PHIP: variants seen among roughly 807,000 people sequenced by gnomAD.
PHIP encodes the protein PH-interacting protein.
In PHIP, 54 loss-of-function variants were observed where a neutral mutation model predicts 236.8. That is an observed-to-expected ratio of 0.23 (90% CI 0.18 to 0.29). The LOEUF (loss-of-function observed/expected upper bound fraction) is 0.29, where lower values mean the gene tolerates loss of function less well. PHIP is among the 10% of genes least tolerant of loss of function. The probability of loss-of-function intolerance (pLI) is 1.00; values close to 1 mark genes in which losing one functional copy is unlikely to be tolerated. For synonymous variants in PHIP, 756 were observed against 718.9 expected, an observed-to-expected ratio of 1.05 and a Z score of -0.83; for missense variants, 1,370 against 2,190.8, an observed-to-expected ratio of 0.63 and a Z score of 7.48.
At chr6:79,028,963 G>T (rs1366047525) in intron 7 of PHIP, among the ~76,000 whole-genome samples, 1 of 152,132 alleles carries the variant, frequency 6.6e-6, no homozygotes, top group Non-Finnish European at 1.5e-5. Flanking sequence ...TTAACCTCCA[G>T]TGACTTTCAC....
At chr6:79,039,161 C>T (rs1194662526) in intron 7 of PHIP, among the ~76,000 whole-genome samples, 5 of 150,848 alleles carry the variant, frequency 3.3e-5, no homozygotes, top group African/African-American at 1.2e-4. Flanking sequence ...CTCTTCTAAC[C>T]ACATCAATCA....
At chr6:79,006,111 G>GA (rs1444225144) in intron 15 of PHIP, among the ~76,000 whole-genome samples, 1 of 151,920 alleles carries the variant, frequency 6.6e-6, no homozygotes, top group African/African-American at 2.4e-5. Flanking sequence ...AATCATATCA[G>GA]AAAAAAGAAA....
rs1200014105 is a variant in PHIP at position 78,940,540 on chromosome 6, G to A, written c.*153C>T. 9 of 118,534 alleles carry A rather than the reference G, an allele frequency of 7.6e-5. No individual in the cohort carries two copies. Among genetic ancestry groups the A allele is most frequent in the South Asian group, 2.8e-4 (1 of 3,552 alleles). The allele number at this position is 118,534 out of a possible 1,614,324, so 7.3% of individuals were successfully genotyped here. ...TTCATTTAAAGAAGTGAAGTGTCTC[G>A]TAAGTTTGTTTTTTTTTTTTTTTTT... is the stretch of plus-strand genomic sequence containing the variant. On this transcript the variant is annotated 3_prime_UTR_variant, in exon 40 of 40. Transcript: ENST00000275034.
intron 6 of PHIP, among the ~76,000 whole-genome samples, chr6:79,046,664 G>A (rs1182601419): frequency 6.6e-6 from 1 of 152,018 alleles, no homozygotes; most frequent in Non-Finnish European, 1.5e-5. Flanking sequence ...ATTACTTGAG[G>A]TCAGGAGTTC....
intron 9 of PHIP, among the ~76,000 whole-genome samples, chr6:79,022,058 G>GAA: frequency 6.6e-6 from 1 of 152,054 alleles, no homozygotes; most frequent in East Asian, 1.9e-4. Context: ...TTTTTAAAGG[G>GAA]AAAAAACAAG....
At chr6:79,058,422 T>C (rs1285565769) in intron 6 of PHIP, among the ~76,000 whole-genome samples, 1 of 152,132 alleles carries the variant, frequency 6.6e-6, no homozygotes, top group Non-Finnish European at 1.5e-5. Flanking sequence ...AATATTATAT[T>C]TGATTTTATA....
Position 78,938,029 on chromosome 6 carries a change from G to C in PHIP, c.*2664C>G, listed in dbSNP as rs1269954670. On this transcript the variant is annotated 3_prime_UTR_variant, in exon 40 of 40. Transcript: ENST00000275034. ...CTGGCCTATTAACAGTACATACATA[G>C]TGTTACTGCCTCAAAGAGGATTATT... The C allele has an allele frequency of 6.6e-6, 1 of 151,636 alleles. No individual in the cohort carries two copies. Among genetic ancestry groups the C allele is most frequent in the African/African-American group, 2.4e-5 (1 of 41,406 alleles). 9.4% of individuals were successfully genotyped at this position (151,636 alleles called of 1,614,324 possible).
rs746480201 is a variant in PHIP, at chr6:78,939,465, C to G, written c.*1228G>C. On this transcript the variant is annotated 3_prime_UTR_variant, in exon 40 of 40. Transcript: ENST00000275034. ...TTTAACCTTTAATAATTGAAAATAA[C>G]CAATTTCCCCCTTAAAATTAAACTA... is the stretch of plus-strand genomic sequence containing the variant. 6.6e-6 allele frequency: 1 copy of G among 151,634 alleles called. No individual in the cohort carries two copies. The highest frequency in any genetic ancestry group is 1.5e-5 in the Non-Finnish European group (1 of 67,678). 9.4% of individuals were successfully genotyped at this position (151,634 alleles called of 1,614,324 possible). A position where few individuals can be genotyped will look rare whatever the true frequency, so the allele number is the denominator to read the frequency against.
intron 17 of PHIP, among the ~76,000 whole-genome samples, chr6:78,999,153 G>C (rs544796751): frequency 2.0e-4 from 31 of 152,250 alleles, no homozygotes; most frequent in African/African-American, 7.0e-4. Flanking sequence ...CTGTGAAGCA[G>C]GGAGAAACTT....
intron 29 of PHIP, among the ~76,000 whole-genome samples, chr6:78,964,241 T>C (rs1766983591): frequency 6.6e-6 from 1 of 152,202 alleles, no homozygotes; most frequent in African/African-American, 2.4e-5. Context: ...AATATATTAT[T>C]GGCATTAAAT....
chr6:79,045,532 G>C (rs955167808), intron 6 of PHIP, among the ~76,000 whole-genome samples: 4 of 151,886 alleles, frequency 2.6e-5, no homozygotes, highest in South Asian at 2.1e-4. Context: ...AATTAAAAAA[G>C]TATATAAGTA....
chr6:78,965,623 T>C, intron 29 of PHIP, 80 bp downstream of exon 29: 1 of 786,762 alleles, frequency 1.3e-6, no homozygotes. Flanking sequence ...CTGTAAGTGG[T>C]AGCATGTTAG....
intron 15 of PHIP, among the ~76,000 whole-genome samples, chr6:79,008,896 G>A (rs529994343): frequency 9.5e-4 from 145 of 152,044 alleles, no homozygotes; most frequent in Middle Eastern, 3.4e-3. Flanking sequence ...AAGGTCACCC[G>A]GGCTTAACAC....
chr6:78,949,731 C>G (rs1774036666), intron 35 of PHIP, among the ~76,000 whole-genome samples: 1 of 151,912 alleles, frequency 6.6e-6, no homozygotes, highest in Non-Finnish European at 1.5e-5. Flanking sequence ...ACTCTATTGC[C>G]AGGCTAGAGT....
chr6:79,066,743 T>C (rs1582316241), intron 4 of PHIP, among the ~76,000 whole-genome samples: 1 of 152,338 alleles, frequency 6.6e-6, no homozygotes, highest in East Asian at 1.9e-4. Context: ...TATAAGATTA[T>C]ACTGCTCTAA....
chr6:78,944,307 G>A (rs1214952167), intron 39 of PHIP, among the ~76,000 whole-genome samples: 2 of 152,142 alleles, frequency 1.3e-5, no homozygotes, highest in African/African-American at 4.8e-5. Context: ...TGAAGGCAAG[G>A]AAGTGTTTTC....
intron 7 of PHIP, among the ~76,000 whole-genome samples, chr6:79,028,873 T>C (rs569829736): frequency 5.3e-4 from 81 of 152,304 alleles, no homozygotes; most frequent in African/African-American, 1.9e-3. Flanking sequence ...ATATTTTTCA[T>C]GTTAACAAAT....
intron 12 of PHIP, 102 bp downstream of exon 12, chr6:79,017,244 G>T: frequency 1.5e-6 from 1 of 655,966 alleles, no homozygotes; most frequent in Non-Finnish European, 2.6e-6. Flanking sequence ...GATCTTTTAG[G>T]TAGGTGATTA....
Position 78,982,817 on chromosome 6 carries a change from G to C in PHIP, c.2769+69C>G. Reference sequence around the variant, plus strand: ...ACTTCAACAATGTTTGTGATCAATTGTACTTCAAGATGTGTGCTTTAAACT... The same window carrying C: ...ACTTCAACAATGTTTGTGATCAATTCTACTTCAAGATGTGTGCTTTAAACT... On this transcript the variant is annotated intron_variant, in intron 23 of 39. Coordinates refer to ENST00000275034, the MANE Select transcript of PHIP (RefSeq NM_017934.7). 3 of 879,778 alleles carry C rather than the reference G, an allele frequency of 3.4e-6. No homozygotes were observed. The African/African-American group carries it at 5.0e-5, about 15-fold the overall frequency. The allele number at this position is 879,778 out of a possible 1,614,324, so 54.5% of individuals were successfully genotyped here.
Sources: allele counts gnomAD v4.1 joint callset (sites outside exome capture counted in the v4.1 genomes callset), GRCh38; gene constraint gnomAD v4.1.1; transcripts MANE v1.5; gene names NCBI Gene and HGNC (gene_info 2026-07-23, HGNC 2026-07-21).